COL19A1: variants seen among roughly 807,000 people sequenced by gnomAD.
The protein encoded by COL19A1 is collagen alpha-1(XIX) chain.
COL19A1 carries 159 observed loss-of-function variants against 190.2 expected under a neutral mutation model. The observed-to-expected ratio is 0.84, with a 90% CI of 0.73 to 0.95. The LOEUF (loss-of-function observed/expected upper bound fraction) is 0.95. Ranked by LOEUF, COL19A1 falls within the 40% of genes least tolerant of loss-of-function variation. COL19A1 has a pLI of 0.00. For missense variants in COL19A1, 1,418 were observed against 1,431.9 expected, an observed-to-expected ratio of 0.99 and a Z score of 0.16; for synonymous variants, 509 against 458.9, an observed-to-expected ratio of 1.11 and a Z score of -1.39.
chr6:70,102,189 A>G lies in COL19A1; in HGVS notation c.1245A>G (p.Gly415=). The part of the protein sequence containing the change: ...EGQRGRRGKT[G]PPGKPGPPGP... ...TCAAGGGAAGACGAGGGAAAACAGG[A>G]CCTCCCGGAAAACCAGGACCCCCAG... The change falls in exon 16 of 51, where the codon GGA becomes GGG. Residue 415 remains glycine, a synonymous_variant. Transcript: ENST00000620364. 6.2e-7 allele frequency: 1 copy of G among 1,612,642 alleles called. No homozygotes were observed.
intron 11 of COL19A1, among the ~76,000 whole-genome samples, chr6:70,003,717 A>G (rs948400018): frequency 6.6e-6 from 1 of 151,088 alleles, no homozygotes; most frequent in Non-Finnish European, 1.5e-5. Flanking sequence ...GTTGCTTGCC[A>G]TTTGCTTAGT....
At chr6:69,941,017 C>T (rs1773432331) in intron 9 of COL19A1, among the ~76,000 whole-genome samples, 1 of 152,120 alleles carries the variant, frequency 6.6e-6, no homozygotes, top group African/African-American at 2.4e-5. Flanking sequence ...GCCTACATAA[C>T]TTGAAGATCG....
At chr6:70,070,337 A>G (rs1781474805) in intron 15 of COL19A1, among the ~76,000 whole-genome samples, 1 of 152,150 alleles carries the variant, frequency 6.6e-6, no homozygotes, top group Non-Finnish European at 1.5e-5. Context: ...CCACTATTTT[A>G]TGTAAATTTA....
intron 2 of COL19A1, among the ~76,000 whole-genome samples, chr6:69,897,458 T>TAC (rs71760023): frequency 0.047 from 6,779 of 145,274 alleles, 182 homozygotes; most frequent in Non-Finnish European, 0.062. Context: ...TTGTCAGTTT[T>TAC]ACACACACAC....
rs1464523420 is a variant in COL19A1 at position 70,209,846 on chromosome 6, C to G, written c.*2572C>G. The stretch of plus-strand genomic sequence containing the variant: ...ACACATGATATGCAACAAAGGGCAG[C>G]AAGAAATGCTGGGTCCACCTAATTT... On this transcript the variant is annotated 3_prime_UTR_variant, in exon 51 of 51. Coordinates refer to ENST00000620364, the MANE Select transcript of COL19A1 (RefSeq NM_001858.6). 6.6e-6 allele frequency: 1 copy of G among 152,172 alleles called. No individual in the cohort carries two copies. Among genetic ancestry groups the G allele is most frequent in the African/African-American group, 2.4e-5 (1 of 41,448 alleles). 9.4% of individuals were successfully genotyped at this position (152,172 alleles called of 1,614,324 possible). A position where few individuals can be genotyped will look rare whatever the true frequency, so the allele number is the denominator to read the frequency against.
chr6:69,926,131 G>A (rs1243752221), intron 4 of COL19A1, among the ~76,000 whole-genome samples: 6 of 152,138 alleles, frequency 3.9e-5, no homozygotes, highest in African/African-American at 1.2e-4. Context: ...ATGTTGAATA[G>A]GAGTGGTGAG....
chr6:70,084,905 A>C (rs974705978), intron 15 of COL19A1, among the ~76,000 whole-genome samples: 86 of 152,168 alleles, frequency 5.7e-4, no homozygotes, highest in African/African-American at 2.0e-3. Context: ...GGAGTCTTGC[A>C]AACTCCTGGG....
At position 70,172,111 on chromosome 6, in the gene COL19A1, T is replaced by C. The variant is rs550693873; in HGVS notation, c.2622+94T>C. 22 of 1,095,888 alleles carry C rather than the reference T, an allele frequency of 2.0e-5. No individual in the cohort carries two copies. In the South Asian group the frequency reaches 2.5e-4, roughly 12 times the overall value. 67.9% of individuals were successfully genotyped at this position (1,095,888 alleles called of 1,614,324 possible). A position where few individuals can be genotyped will look rare whatever the true frequency, so the allele number is the denominator to read the frequency against. ...GCCAAAAACTGTTTTAGGTTAGGGA[T>C]ATATAAAGGAACAAAACAGACAAAA... is the stretch of plus-strand genomic sequence containing the variant. On this transcript the variant is annotated intron_variant, in intron 41 of 50. Transcript: ENST00000620364.
chr6:70,123,522 G>A (rs1166109341), intron 17 of COL19A1, among the ~76,000 whole-genome samples: 5 of 138,396 alleles, frequency 3.6e-5, no homozygotes, highest in South Asian at 4.9e-4. Context: ...TGTTTATTGT[G>A]GCATTATTCA....
rs748760845 is a variant in COL19A1, at chr6:70,206,884, A to G, written c.3224-17A>G. 6.2e-7 allele frequency: 1 copy of G among 1,607,278 alleles called. No individual in the cohort carries two copies. The highest frequency in any genetic ancestry group is 1.1e-5 in the South Asian group (1 of 89,934). The stretch of plus-strand genomic sequence containing the variant: ...AACCCTTTTTGTGTGTCTCTTTTTT[A>G]TATATTTCTCACTTAGGCTACAGAG... On this transcript the variant is annotated splice_polypyrimidine_tract_variant and intron_variant, in intron 49 of 50. Coordinates refer to ENST00000620364, the MANE Select transcript of COL19A1 (RefSeq NM_001858.6).
intron 1 of COL19A1, among the ~76,000 whole-genome samples, chr6:69,879,288 T>G (rs2149943200): frequency 6.6e-6 from 1 of 152,228 alleles, no homozygotes; most frequent in African/African-American, 2.4e-5. Context: ...CAGAGAAAAT[T>G]TAACTGATAA....
Position 70,090,399 on chromosome 6 carries a change from C to T in COL19A1, c.1225-11770C>T, listed in dbSNP as rs576973397. 7.9e-5 allele frequency among the ~76,000 whole-genome samples: 12 copies of T among 152,114 alleles called. No individual in the cohort carries two copies. The South Asian group carries it at 1.2e-3, about 16-fold the overall frequency. ...CTATTTACATGGCATTTTCATTGTA[C>T]GTATTATAAGTAATCTAAAGATGAT... On this transcript the variant is annotated intron_variant, in intron 15 of 50. Transcript: ENST00000620364.
At chr6:69,960,120 T>A in intron 10 of COL19A1, 80 bp downstream of exon 10, 1 of 1,359,138 alleles carries the variant, frequency 7.4e-7, no homozygotes, top group Non-Finnish European at 1.0e-6. Flanking sequence ...ATTCTGAAAT[T>A]GTATTTGATT....
At chr6:69,881,885 A>G (rs1768580844) in intron 2 of COL19A1, among the ~76,000 whole-genome samples, 1 of 152,218 alleles carries the variant, frequency 6.6e-6, no homozygotes, top group Non-Finnish European at 1.5e-5. Context: ...GTTGAAGAAG[A>G]TGACAAGCTG....
chr6:70,199,371 A>G (rs1028079286), intron 48 of COL19A1, among the ~76,000 whole-genome samples: 8 of 152,220 alleles, frequency 5.3e-5, no homozygotes, highest in Non-Finnish European at 1.0e-4. Flanking sequence ...TCTCAGAAGC[A>G]CTGAAAATTC....
At chr6:70,177,327 A>AAAGAT (rs1283479394) in intron 42 of COL19A1, among the ~76,000 whole-genome samples, 2 of 152,072 alleles carry the variant, frequency 1.3e-5, no homozygotes, top group Non-Finnish European at 2.9e-5. Context: ...AGAATATAAG[A>AAAGAT]AAGATAAGAT....
In COL19A1 at chr6:70,180,354, C is replaced by T. The variant is rs1766093293; in HGVS notation, c.2710C>T (p.Pro904Ser). Residue 904 changes from proline (P) to serine (S), a missense_variant and splice_region_variant, in exon 43 of 51, where the codon CCG becomes TCG. Physicochemically the swap from Pro to Ser is moderately conservative, Grantham distance 74. Transcript: ENST00000620364. ...APGPPGVPGE[P>S]GERGPVGDIG... Reference sequence around the variant, plus strand: ...AGGGCCTCCAGGAGTTCCAGGGGAACCGGTGAGTTGGCAGTTACTTTCATG... The same window carrying T: ...AGGGCCTCCAGGAGTTCCAGGGGAATCGGTGAGTTGGCAGTTACTTTCATG... The T allele has an allele frequency of 6.2e-7, 1 of 1,614,120 alleles. No individual in the cohort carries two copies. Among genetic ancestry groups the T allele is most frequent in the East Asian group, 2.2e-5 (1 of 44,878 alleles).
At chr6:70,097,443 A>G (rs2150182585) in intron 15 of COL19A1, among the ~76,000 whole-genome samples, 1 of 151,848 alleles carries the variant, frequency 6.6e-6, no homozygotes, top group African/African-American at 2.4e-5. Flanking sequence ...CCATTCATCC[A>G]TTCATGGACA....
intron 11 of COL19A1, among the ~76,000 whole-genome samples, chr6:70,001,161 C>A (rs368149806): frequency 6.6e-6 from 1 of 152,016 alleles, no homozygotes; most frequent in Non-Finnish European, 1.5e-5. Flanking sequence ...TCAAGTTTGT[C>A]GAAGATCAGA....
Sources: allele counts gnomAD v4.1 joint callset (sites outside exome capture counted in the v4.1 genomes callset), GRCh38; gene constraint gnomAD v4.1.1; transcripts MANE v1.5; gene names NCBI Gene and HGNC (gene_info 2026-07-23, HGNC 2026-07-21).